DSE: variants seen among roughly 807,000 people sequenced by gnomAD.
The protein encoded by DSE is dermatan-sulfate epimerase.
In DSE, 36 loss-of-function variants were observed where a neutral mutation model predicts 84.4. The observed-to-expected ratio is 0.43, with a 90% CI of 0.33 to 0.56. The LOEUF is 0.56. DSE is among the 20% of genes least tolerant of loss of function. The probability of loss-of-function intolerance (pLI) is 0.06; values close to 1 mark genes in which losing one functional copy is unlikely to be tolerated. For synonymous variants in DSE, 410 were observed against 430.1 expected, an observed-to-expected ratio of 0.95 and a Z score of 0.58; for missense variants, 862 against 1,169.6, an observed-to-expected ratio of 0.74 and a Z score of 3.84.
At position 116,436,394 on chromosome 6, in the gene DSE, T is replaced by C. The variant is rs560644; in HGVS notation, c.1926T>C (p.Asn642=). Residue 642 remains asparagine, a synonymous_variant, in exon 6 of 6, where the codon AAT becomes AAC. Coordinates refer to ENST00000644252, the MANE Select transcript of DSE (RefSeq NM_013352.4). Reference sequence around the variant, plus strand: ...CATATCCTCGGGGCTATCCCTACAATGGGACAAACTATGTGAATGTCACCA... The same window carrying C: ...CATATCCTCGGGGCTATCCCTACAACGGGACAAACTATGTGAATGTCACCA... ...SVTYPRGYPY[N]GTNYVNVTMH... 1,513,580 of 1,614,096 alleles carry C rather than the reference T, an allele frequency of 0.94. 710,142 individuals are homozygous for C. The highest frequency in any genetic ancestry group is 0.99 in the East Asian group (44,410 of 44,880).
chr6:116,384,377 G>T (rs1477703263), intron 1 of DSE, among the ~76,000 whole-genome samples: 2 of 152,196 alleles, frequency 1.3e-5, no homozygotes, highest in Non-Finnish European at 2.9e-5. Context: ...TCAGGCAGTG[G>T]TCTGCGATTA....
chr6:116,309,251 A>T (rs1212031913), intron 2 of DSE, among the ~76,000 whole-genome samples: 1 of 152,120 alleles, frequency 6.6e-6, no homozygotes, highest in East Asian at 1.9e-4. Flanking sequence ...TTTTAGGTGG[A>T]TTTCTTCCAA....
rs1239018243 is a variant in DSE at position 116,443,459 on chromosome 6, G to A, written c.*6114G>A. ...GAATGGTATAACTGGAGTACAGGGTGTGTATGTAGTGGCGGGTGATAGAAA... is the reference window on the plus strand; with the variant it reads ...GAATGGTATAACTGGAGTACAGGGTATGTATGTAGTGGCGGGTGATAGAAA... On this transcript the variant is annotated 3_prime_UTR_variant, in exon 6 of 6. Transcript: ENST00000644252. 1 of 152,300 alleles carries A rather than the reference G, an allele frequency of 6.6e-6. No homozygotes were observed. Among genetic ancestry groups the A allele is most frequent in the East Asian group, 1.9e-4 (1 of 5,200 alleles). 9.4% of individuals were successfully genotyped at this position (152,300 alleles called of 1,614,324 possible).
Position 116,441,285 on chromosome 6 carries a change from A to G in DSE, c.*3940A>G, listed in dbSNP as rs995554772. 2 of 152,228 alleles carry G rather than the reference A, an allele frequency of 1.3e-5. No homozygotes were observed. Among genetic ancestry groups the G allele is most frequent in the Non-Finnish European group, 2.9e-5 (2 of 68,034 alleles). 9.4% of individuals were successfully genotyped at this position (152,228 alleles called of 1,614,324 possible). On this transcript the variant is annotated 3_prime_UTR_variant, in exon 6 of 6. Transcript: ENST00000644252. ...CATTATGACTTTTCTTCTTGCATAT[A>G]CAGTTTCCCTCTTGGTTTTGGGATT...
chr6:116,421,472 T>A (rs1458688463), intron 2 of DSE, among the ~76,000 whole-genome samples: 22 of 117,026 alleles, frequency 1.9e-4, no homozygotes, highest in African/African-American at 6.6e-4. Flanking sequence ...TATTTTTTTT[T>A]TTTTTTTTTT....
chr6:116,368,943 C>CGGGGGGGGGGGGGGGGGGGGGGG (rs376133129), upstream of DSE, among the ~76,000 whole-genome samples: 1 of 84,332 alleles, frequency 1.2e-5, no homozygotes, highest in Non-Finnish European at 2.5e-5. Flanking sequence ...GGCGGGGGGA[C>CGGGGGGGGGGGGGGGGGGGGGGG]GGGGGGGGCT....
At position 116,404,065 on chromosome 6, in the gene DSE, G is replaced by A. The variant is rs553576667; in HGVS notation, c.416+4399G>A. Among the ~76,000 whole-genome samples, 7 of 152,270 alleles carry A rather than the reference G, an allele frequency of 4.6e-5. No homozygotes were observed. In the South Asian group the frequency reaches 1.4e-3, roughly 32 times the overall value. On this transcript the variant is annotated intron_variant, in intron 2 of 5. Coordinates refer to ENST00000644252, the MANE Select transcript of DSE (RefSeq NM_013352.4). ...AATCCTTTGGTAGAATTTTGCATGT[G>A]TAGAAAAATGAAATGACTGCCTGTC...
intron 2 of DSE, among the ~76,000 whole-genome samples, chr6:116,259,430 G>A (rs1275809193): frequency 6.6e-6 from 1 of 152,150 alleles, no homozygotes; most frequent in Non-Finnish European, 1.5e-5. Context: ...GCAGCTTTAT[G>A]ATAAAGTTCT....
At chr6:116,382,714 AT>A (rs1780316705) in intron 1 of DSE, among the ~76,000 whole-genome samples, 1 of 152,086 alleles carries the variant, frequency 6.6e-6, no homozygotes, top group Non-Finnish European at 1.5e-5. Context: ...AATGGTAAGG[AT>A]TTTACTGAGG....
intron 2 of DSE, among the ~76,000 whole-genome samples, chr6:116,335,120 A>G (rs1188444370): frequency 5.3e-5 from 8 of 152,228 alleles, no homozygotes. Flanking sequence ...ACATGGAATC[A>G]ACCTAAATGC....
intron 2 of DSE, among the ~76,000 whole-genome samples, chr6:116,325,606 G>A (rs919893961): frequency 1.3e-5 from 2 of 152,118 alleles, no homozygotes; most frequent in East Asian, 1.9e-4. Context: ...TTTATACAAC[G>A]TCTGTTTGCC....
chr6:116,356,991 C>T (rs1428150886), intron 2 of DSE, among the ~76,000 whole-genome samples: 3 of 152,144 alleles, frequency 2.0e-5, no homozygotes, highest in Admixed American at 1.3e-4. Context: ...ATTAGTTTTG[C>T]CTCCACACGG....
intron 2 of DSE, among the ~76,000 whole-genome samples, chr6:116,270,964 A>G (rs908760462): frequency 6.6e-6 from 1 of 152,198 alleles, no homozygotes; most frequent in Non-Finnish European, 1.5e-5. Context: ...ATGAGAGCAT[A>G]TATGGAAGTT....
chr6:116,407,269 C>G (rs1005264138), intron 2 of DSE, among the ~76,000 whole-genome samples: 7 of 151,964 alleles, frequency 4.6e-5, no homozygotes, highest in Non-Finnish European at 1.0e-4. Flanking sequence ...AAATGATGGC[C>G]CTGGGTGACT....
upstream of DSE, chr6:116,369,899 A>G (rs183037135): frequency 1.6e-6 from 2 of 1,289,306 alleles, no homozygotes; most frequent in East Asian, 1.1e-4. Flanking sequence ...CACTGCTCCC[A>G]GTAAAATATC....
chr6:116,426,858 G>C (rs1783485424), intron 3 of DSE, 31 bp downstream of exon 3: 2 of 1,582,370 alleles, frequency 1.3e-6, no homozygotes, highest in Non-Finnish European at 1.7e-6. Flanking sequence ...GGTGATGCCT[G>C]AGCTGACGGA....
At chr6:116,322,055 GT>G (rs1281377713) in intron 2 of DSE, among the ~76,000 whole-genome samples, 2 of 152,124 alleles carry the variant, frequency 1.3e-5, no homozygotes, top group Non-Finnish European at 2.9e-5. Flanking sequence ...AGCAATTCCT[GT>G]CCCTTTTAAA....
At chr6:116,354,355 A>G (rs771573875) in intron 2 of DSE, among the ~76,000 whole-genome samples, 2 of 152,188 alleles carry the variant, frequency 1.3e-5, no homozygotes, top group Non-Finnish European at 2.9e-5. Context: ...GAGGTCAGTC[A>G]TTGTTCTTGA....
intron 2 of DSE, among the ~76,000 whole-genome samples, chr6:116,262,800 T>C (rs74444084): frequency 0.04 from 6,088 of 152,316 alleles, 184 homozygotes; most frequent in African/African-American, 0.081. Flanking sequence ...CCAGAGATTC[T>C]GGTATGTTGT....
Sources: gnomAD v4.1 joint callset for allele counts (sites outside exome capture counted in the v4.1 genomes callset) on GRCh38, gnomAD v4.1.1 for gene constraint, MANE v1.5 for transcripts, NCBI Gene and HGNC (gene_info 2026-07-23, HGNC 2026-07-21) for gene names.